Variants in B3GALT1 observed in about 807,000 individuals in gnomAD.
B3GALT1 encodes the protein beta-1,3-galactosyltransferase 1.
B3GALT1 carries 10 observed loss-of-function variants against 23.2 expected under a neutral mutation model. The observed-to-expected ratio is 0.43, with a 90% confidence interval of 0.27 to 0.73. B3GALT1 has a LOEUF of 0.73. B3GALT1 is among the 30% of genes least tolerant of loss of function. The pLI is 0.21. For missense variants in B3GALT1, 299 were observed against 405.4 expected, an observed-to-expected ratio of 0.74 and a Z score of 2.25; for synonymous variants, 156 against 141.5, an observed-to-expected ratio of 1.10 and a Z score of -0.73.
At chr2:167,760,552 T>C (rs1286357088) in intron 3 of B3GALT1, among the ~76,000 whole-genome samples, 2 of 152,318 alleles carry the variant, frequency 1.3e-5, no homozygotes, top group African/African-American at 4.8e-5. Context: ...AAGGATCTGC[T>C]AAAAATCAGG....
rs565645335 is a variant in B3GALT1, at chr2:167,453,182, C to G, written c.-510-36995C>G. ...AGATAATCTGAGGATCTAGCCTAAT[C>G]AGGCCTGATGTGCACACCTTCACTA... On this transcript the variant is annotated intron_variant, in intron 1 of 4. Coordinates refer to ENST00000392690, the MANE Select transcript of B3GALT1 (RefSeq NM_020981.4). Among the ~76,000 whole-genome samples, 16 of 152,242 alleles carry G rather than the reference C, an allele frequency of 1.1e-4. 1 individual carries two copies. In the South Asian group the frequency reaches 2.5e-3, roughly 24 times the overall value.
At chr2:167,557,170 C>A (rs191867522) in intron 2 of B3GALT1, among the ~76,000 whole-genome samples, 1 of 151,706 alleles carries the variant, frequency 6.6e-6, no homozygotes, top group Non-Finnish European at 1.5e-5. Context: ...TGTTTATACA[C>A]CTCAAAGTAA....
intron 2 of B3GALT1, among the ~76,000 whole-genome samples, chr2:167,529,880 C>G (rs925694755): frequency 6.6e-6 from 1 of 152,034 alleles, no homozygotes; most frequent in Non-Finnish European, 1.5e-5. Context: ...CAAATCTATT[C>G]TTTACATAGC....
At chr2:167,564,187 G>T (rs1399029536) in intron 2 of B3GALT1, among the ~76,000 whole-genome samples, 1 of 150,806 alleles carries the variant, frequency 6.6e-6, no homozygotes, top group Non-Finnish European at 1.5e-5. Context: ...CTTCTCAGAC[G>T]GGGCGGCCGG....
At chr2:167,758,379 C>G (rs886267025) in intron 3 of B3GALT1, among the ~76,000 whole-genome samples, 1 of 152,136 alleles carries the variant, frequency 6.6e-6, no homozygotes, top group Non-Finnish European at 1.5e-5. Context: ...TGCCCCAGTC[C>G]TGGGCTCAGA....
chr2:167,676,064 C>G (rs1054552577), intron 3 of B3GALT1, among the ~76,000 whole-genome samples: 1 of 151,912 alleles, frequency 6.6e-6, no homozygotes, highest in Non-Finnish European at 1.5e-5. Flanking sequence ...GTGTTGGCCC[C>G]CTAAGGGCCT....
At chr2:167,762,697 T>C (rs1158033133) in intron 3 of B3GALT1, among the ~76,000 whole-genome samples, 2 of 152,152 alleles carry the variant, frequency 1.3e-5, no homozygotes, top group Non-Finnish European at 2.9e-5. Flanking sequence ...CACTTAGAGT[T>C]TGGGGTATGA....
At chr2:167,433,472 A>G (rs1054254142) in intron 1 of B3GALT1, among the ~76,000 whole-genome samples, 2 of 152,196 alleles carry the variant, frequency 1.3e-5, no homozygotes, top group African/African-American at 4.8e-5. Flanking sequence ...TTTTTGACAA[A>G]GGAAGAAAAT....
intron 4 of B3GALT1, among the ~76,000 whole-genome samples, chr2:167,825,529 CA>C (rs1275017217): frequency 6.7e-6 from 1 of 149,710 alleles, no homozygotes; most frequent in African/African-American, 2.5e-5. Context: ...ATAAAAAGGC[CA>C]CCAATAGAAG....
intron 1 of B3GALT1, among the ~76,000 whole-genome samples, chr2:167,340,225 C>G (rs1481733532): frequency 6.6e-6 from 1 of 151,376 alleles, no homozygotes; most frequent in Admixed American, 6.6e-5. Context: ...CCTCTTTTTC[C>G]CTAGGTTCAC....
intron 2 of B3GALT1, among the ~76,000 whole-genome samples, chr2:167,498,367 T>A (rs1448598085): frequency 1.3e-5 from 2 of 152,204 alleles, no homozygotes; most frequent in Non-Finnish European, 2.9e-5. Flanking sequence ...TGGATTTTTT[T>A]AAGTTCGTAA....
chr2:167,358,272 G>C (rs937185688), intron 1 of B3GALT1, among the ~76,000 whole-genome samples: 14 of 152,178 alleles, frequency 9.2e-5, no homozygotes, highest in African/African-American at 3.4e-4. Context: ...TGAGGAACAA[G>C]TGTAGTTTTA....
chr2:167,760,820 T>C (rs1487697835), intron 3 of B3GALT1, among the ~76,000 whole-genome samples: 1 of 152,140 alleles, frequency 6.6e-6, no homozygotes, highest in East Asian at 1.9e-4. Flanking sequence ...TTAATACATA[T>C]CATGTGGCAC....
chr2:167,657,616 T>C (rs1685977646), intron 3 of B3GALT1, among the ~76,000 whole-genome samples: 1 of 152,142 alleles, frequency 6.6e-6, no homozygotes, highest in East Asian at 1.9e-4. Context: ...ATTATTCACT[T>C]ACCAAGACTT....
chr2:167,735,342 A>C (rs1687475738), intron 3 of B3GALT1, among the ~76,000 whole-genome samples: 1 of 152,216 alleles, frequency 6.6e-6, no homozygotes, highest in Admixed American at 6.5e-5. Context: ...GATCTCTACT[A>C]ACTCCAGCAT....
At chr2:167,563,357 C>T (rs972902844) in intron 2 of B3GALT1, among the ~76,000 whole-genome samples, 2 of 143,170 alleles carry the variant, frequency 1.4e-5, no homozygotes, top group Non-Finnish European at 3.0e-5. Context: ...GGGCGGGGGG[C>T]TGACTCCCCC....
chr2:167,666,548 G>C (rs1471582422), intron 3 of B3GALT1, among the ~76,000 whole-genome samples: 1 of 151,224 alleles, frequency 6.6e-6, no homozygotes, highest in African/African-American at 2.4e-5. Context: ...TTGACAGTGG[G>C]GTGTTAAAGT....
intron 1 of B3GALT1, among the ~76,000 whole-genome samples, chr2:167,465,669 G>GC (rs1699333441): frequency 6.6e-6 from 1 of 152,042 alleles, no homozygotes; most frequent in Admixed American, 6.6e-5. Flanking sequence ...GAATTTTGAG[G>GC]CGATACATTT....
At chr2:167,425,299 G>A (rs1477833961) in intron 1 of B3GALT1, among the ~76,000 whole-genome samples, 1 of 152,066 alleles carries the variant, frequency 6.6e-6, no homozygotes, top group Admixed American at 6.5e-5. Context: ...AACTTCTTTG[G>A]TTGTTATTTT....
Sources: allele counts gnomAD v4.1 joint callset (sites outside exome capture counted in the v4.1 genomes callset), GRCh38; gene constraint gnomAD v4.1.1; transcripts MANE v1.5; gene names NCBI Gene and HGNC (gene_info 2026-07-23, HGNC 2026-07-21).